The following DNAH14 variants were observed in gnomAD, a reference collection of about 807,000 sequenced individuals.
DNAH14 encodes the protein axonemal beta dynein heavy chain 14.
In DNAH14, 478 loss-of-function variants were observed where a neutral mutation model predicts 520.9. The ratio of observed to expected loss-of-function variants is 0.92; its 90% CI spans 0.85 to 0.99. The LOEUF is 0.99. Among genes scored for constraint, DNAH14 ranks in the 50% least tolerant of loss-of-function variants. The pLI, the probability that DNAH14 is intolerant of heterozygous loss-of-function variation, is 0.00. For missense variants in DNAH14, 4,831 were observed against 5,234.5 expected, an observed-to-expected ratio of 0.92 and a Z score of 2.38; for synonymous variants, 1,581 against 1,757.2, an observed-to-expected ratio of 0.90 and a Z score of 2.51.
intron 80 of DNAH14, among the ~76,000 whole-genome samples, chr1:225,381,016 A>C (rs1252492034): frequency 1.3e-5 from 2 of 152,184 alleles, no homozygotes; most frequent in Non-Finnish European, 2.9e-5. Context: ...TTAATGGTTA[A>C]AAAAAATCAA....
intron 41 of DNAH14, among the ~76,000 whole-genome samples, chr1:225,228,137 T>C (rs2090729622): frequency 1.3e-5 from 2 of 152,228 alleles, no homozygotes; most frequent in Non-Finnish European, 2.9e-5. Flanking sequence ...GGCACACTTA[T>C]AGCCTTTAAA....
intron 1 of DNAH14, among the ~76,000 whole-genome samples, chr1:224,949,177 A>G (rs2060017809): frequency 6.6e-6 from 1 of 152,156 alleles, no homozygotes; most frequent in African/African-American, 2.4e-5. Context: ...AAAATATTGT[A>G]TCATTTTCTT....
chr1:225,124,379 C>G (rs1234287006), intron 27 of DNAH14, among the ~76,000 whole-genome samples: 2 of 152,218 alleles, frequency 1.3e-5, no homozygotes, highest in Admixed American at 1.3e-4. Context: ...GAAATTCTTT[C>G]AAAATTGGAG....
chr1:225,152,847 C>T lies in DNAH14; in HGVS notation c.5160C>T (p.Asn1720=). 1.3e-6 allele frequency: 2 copies of T among 1,550,982 alleles called. No homozygotes were observed. The highest frequency in any genetic ancestry group is 1.4e-5 in the African/African-American group (1 of 73,126). Residue 1720 remains asparagine (N), a synonymous_variant, in exon 33 of 86, where the codon AAC becomes AAT. Transcript: ENST00000682510. ...ATTCACTCTCTGGAAAGCTAACTAA[C>T]CTTTATGAATTAGCGCGCAAACAGC... ...SANSLSGKLT[N]LYELARKQLS... is the part of the protein sequence containing the mutation.
intron 54 of DNAH14, among the ~76,000 whole-genome samples, chr1:225,283,844 A>G (rs549293642): frequency 6.6e-6 from 1 of 152,298 alleles, no homozygotes; most frequent in African/African-American, 2.4e-5. Flanking sequence ...TTCTTTGACC[A>G]CAGTAGAACT....
chr1:225,398,777 TATACTC>T, intron 85 of DNAH14, 111 bp downstream of exon 85: 2 of 1,381,094 alleles, frequency 1.4e-6, no homozygotes, highest in South Asian at 1.5e-5. Flanking sequence ...GATGTGATAA[TATACTC>T]AGACAACAAA....
chr1:225,263,684 A>G (rs2093017029), intron 46 of DNAH14, among the ~76,000 whole-genome samples: 1 of 152,110 alleles, frequency 6.6e-6, no homozygotes, highest in African/African-American at 2.4e-5. Flanking sequence ...ATTTTGAAAT[A>G]TTTAATACAA....
intron 41 of DNAH14, among the ~76,000 whole-genome samples, chr1:225,211,039 G>T (rs2088323634): frequency 6.6e-6 from 1 of 152,204 alleles, no homozygotes. Context: ...AATCCATGAA[G>T]ATGAGGAAAA....
At chr1:225,247,400 AAT>A (rs2092347571) in intron 43 of DNAH14, among the ~76,000 whole-genome samples, 1 of 152,206 alleles carries the variant, frequency 6.6e-6, no homozygotes, top group Admixed American at 6.5e-5. Flanking sequence ...TAATAAAAAA[AAT>A]AAGTAAATAA....
At chr1:224,964,899 G>T (rs568768848) in intron 5 of DNAH14, among the ~76,000 whole-genome samples, 8 of 152,218 alleles carry the variant, frequency 5.3e-5, no homozygotes, top group African/African-American at 1.9e-4. Flanking sequence ...GGTATCATCT[G>T]CCTGAAACTT....
chr1:225,196,285 C>G (rs1408321516), intron 38 of DNAH14, among the ~76,000 whole-genome samples: 1 of 152,146 alleles, frequency 6.6e-6, no homozygotes, highest in African/African-American at 2.4e-5. Flanking sequence ...TTTTCCATTA[C>G]TGAGTTACTT....
intron 31 of DNAH14, among the ~76,000 whole-genome samples, chr1:225,149,910 T>G (rs1322222739): frequency 6.6e-6 from 1 of 152,198 alleles, no homozygotes; most frequent in East Asian, 1.9e-4. Flanking sequence ...CTTGCCTGAT[T>G]GCTCTGGCCA....
At chr1:225,045,266 T>C (rs1045973630) in intron 15 of DNAH14, among the ~76,000 whole-genome samples, 3 of 151,502 alleles carry the variant, frequency 2.0e-5, no homozygotes, top group Non-Finnish European at 4.4e-5. Context: ...ATGTTTCTAC[T>C]GTTTTTTTTT....
At chr1:224,931,627 A>G (rs2058705369) in intron 1 of DNAH14, among the ~76,000 whole-genome samples, 1 of 151,986 alleles carries the variant, frequency 6.6e-6, no homozygotes, top group Non-Finnish European at 1.5e-5. Context: ...TCCACTCTCT[A>G]CCTCCATATA....
At chr1:225,153,046 G>T (rs534317989) in intron 33 of DNAH14, among the ~76,000 whole-genome samples, 163 bp downstream of exon 33, 2 of 152,088 alleles carry the variant, frequency 1.3e-5, no homozygotes, top group Non-Finnish European at 2.9e-5. Flanking sequence ...AACATATAAA[G>T]TCCATATGTG....
intron 54 of DNAH14, among the ~76,000 whole-genome samples, chr1:225,285,079 T>A (rs996435992): frequency 4.6e-5 from 7 of 152,204 alleles, no homozygotes; most frequent in African/African-American, 1.7e-4. Flanking sequence ...AAAGCAAGAA[T>A]GTTTTGCCTT....
Position 225,067,084 on chromosome 1 carries a change from A to ATCCATTAGTTATTTT in DNAH14, c.2425-12119_2425-12105dup, listed in dbSNP as rs1198321159. ...GGATTATTTCATCAGCCAGGTATTA[A>ATCCATTAGTTATTTT]TCCATTAGTTATTTTTCCTCTCTCC... On this transcript the variant is annotated intron_variant, in intron 17 of 85. Transcript: ENST00000682510. 2.0e-5 allele frequency among the ~76,000 whole-genome samples: 3 copies of ATCCATTAGTTATTTT among 151,958 alleles called. No individual in the cohort carries two copies. The East Asian group carries it at 5.8e-4, about 29-fold the overall frequency.
At chr1:225,351,338 C>T (rs2095363661) in intron 71 of DNAH14, among the ~76,000 whole-genome samples, 1 of 152,098 alleles carries the variant, frequency 6.6e-6, no homozygotes, top group African/African-American at 2.4e-5. Context: ...TTGCAGTGAG[C>T]AGTGATCGTG....
At chr1:224,982,018 G>A (rs995713602) in intron 8 of DNAH14, among the ~76,000 whole-genome samples, 1 of 152,128 alleles carries the variant, frequency 6.6e-6, no homozygotes, top group African/African-American at 2.4e-5. Flanking sequence ...GACAATAGAG[G>A]CTTCCCCAGT....
Sources: gnomAD v4.1 joint callset for allele counts (sites outside exome capture counted in the v4.1 genomes callset) on GRCh38, gnomAD v4.1.1 for gene constraint, MANE v1.5 for transcripts, NCBI Gene and HGNC (gene_info 2026-07-23, HGNC 2026-07-21) for gene names.